Variants in DSE observed in about 807,000 individuals in gnomAD.
DSE encodes the protein dermatan-sulfate epimerase.
A neutral mutation model predicts 84.4 loss-of-function variants in DSE; 36 were observed. The ratio of observed to expected loss-of-function variants is 0.43; its 90% CI spans 0.33 to 0.56. The LOEUF (loss-of-function observed/expected upper bound fraction) is 0.56. Among genes scored for constraint, DSE ranks in the 20% least tolerant of loss-of-function variants. The pLI is 0.06. For missense variants in DSE, 862 were observed against 1,169.6 expected (o/e 0.74, Z 3.84); for synonymous variants, 410 against 430.1 (o/e 0.95, Z 0.58).
At chr6:116,388,275 A>G (rs1780686788) in intron 1 of DSE, among the ~76,000 whole-genome samples, 1 of 152,162 alleles carries the variant, frequency 6.6e-6, no homozygotes, top group Non-Finnish European at 1.5e-5. Context: ...CAGGCAAAGG[A>G]CAGGAGAAGA....
intron 2 of DSE, among the ~76,000 whole-genome samples, chr6:116,426,105 C>T (rs1783433290): frequency 1.3e-5 from 2 of 152,144 alleles, no homozygotes; most frequent in African/African-American, 4.8e-5. Flanking sequence ...ACAGTACCTT[C>T]GCATTGACCA....
At chr6:116,287,436 C>G (rs1447077493) in intron 2 of DSE, among the ~76,000 whole-genome samples, 5 of 151,750 alleles carry the variant, frequency 3.3e-5, no homozygotes, top group Non-Finnish European at 7.4e-5. Context: ...TATAAGAATG[C>G]ATCATGTCAT....
intron 2 of DSE, chr6:116,278,535 A>G: frequency 3.7e-6 from 6 of 1,614,144 alleles, no homozygotes; most frequent in Non-Finnish European, 5.1e-6. Flanking sequence ...ACTGGAACCC[A>G]AAGGGCCTGG....
upstream of DSE, chr6:116,366,298 C>A (rs1403016457): frequency 6.6e-6 from 1 of 152,142 alleles, no homozygotes. Context: ...AATTATCCAC[C>A]ATGGTATCTA....
At chr6:116,285,885 T>C (rs1773872216) in intron 2 of DSE, among the ~76,000 whole-genome samples, 1 of 152,230 alleles carries the variant, frequency 6.6e-6, no homozygotes, top group South Asian at 2.1e-4. Context: ...TCTATATCTC[T>C]GTTTTGGTAC....
At chr6:116,423,882 C>A (rs1783255142) in intron 2 of DSE, among the ~76,000 whole-genome samples, 1 of 152,104 alleles carries the variant, frequency 6.6e-6, no homozygotes. Context: ...AAACTTTTTT[C>A]TTTTGGGGCG....
intron 2 of DSE, among the ~76,000 whole-genome samples, chr6:116,346,796 A>T (rs4946161): frequency 2.3e-4 from 35 of 152,024 alleles, no homozygotes; most frequent in Admixed American, 2.0e-3. Context: ...AAAGAAATAA[A>T]GGGTATTGGA....
At chr6:116,318,299 G>A (rs879839597) in intron 2 of DSE, among the ~76,000 whole-genome samples, 1 of 152,176 alleles carries the variant, frequency 6.6e-6, no homozygotes, top group Non-Finnish European at 1.5e-5. Flanking sequence ...AAGGTCAAGA[G>A]ATCGAGACCA....
chr6:116,409,861 G>A (rs569917272), intron 2 of DSE, among the ~76,000 whole-genome samples: 6 of 152,292 alleles, frequency 3.9e-5, no homozygotes, highest in Admixed American at 6.5e-5. Flanking sequence ...AACCAGCCAC[G>A]TGAAGGGGAA....
intron 2 of DSE, among the ~76,000 whole-genome samples, chr6:116,408,592 A>G (rs1244399379): frequency 6.6e-6 from 1 of 152,176 alleles, no homozygotes; most frequent in Non-Finnish European, 1.5e-5. Flanking sequence ...ATCTGGTCTC[A>G]CTTTCACTCT....
chr6:116,279,674 C>G, intron 2 of DSE: 1 of 1,608,804 alleles, frequency 6.2e-7, no homozygotes. Flanking sequence ...GTCTCCGAGC[C>G]TCCCTCACCC....
At chr6:116,312,722 A>G (rs1775762462) in intron 2 of DSE, among the ~76,000 whole-genome samples, 1 of 152,176 alleles carries the variant, frequency 6.6e-6, no homozygotes, top group Non-Finnish European at 1.5e-5. Flanking sequence ...GACAGATAAT[A>G]TAAGTGAAAC....
intron 2 of DSE, among the ~76,000 whole-genome samples, chr6:116,358,496 A>G (rs759740626): frequency 2.6e-5 from 4 of 152,226 alleles, no homozygotes; most frequent in Non-Finnish European, 5.9e-5. Context: ...TCTTGGAAGT[A>G]TCCTTCCCAG....
chr6:116,265,427 G>T (rs1364214063), intron 2 of DSE, among the ~76,000 whole-genome samples: 1 of 152,146 alleles, frequency 6.6e-6, no homozygotes, highest in Non-Finnish European at 1.5e-5. Context: ...TCAGCAGGGG[G>T]AGTGGAGTAG....
chr6:116,307,775 A>G (rs1207055864), intron 2 of DSE, among the ~76,000 whole-genome samples: 2 of 152,238 alleles, frequency 1.3e-5, no homozygotes, highest in East Asian at 3.9e-4. Context: ...CTGCACAAGG[A>G]AAGAAGTGTG....
At chr6:116,259,172 G>T (rs995081923) in intron 2 of DSE, 15 of 803,282 alleles carry the variant, frequency 1.9e-5, no homozygotes, top group Non-Finnish European at 2.3e-5. Context: ...CGCCACCCTG[G>T]CACAGACAGG....
chr6:116,309,193 A>G (rs1411978396), intron 2 of DSE, among the ~76,000 whole-genome samples: 2 of 152,178 alleles, frequency 1.3e-5, no homozygotes, highest in Non-Finnish European at 2.9e-5. Context: ...ATAGCACTCA[A>G]TGTGCTCATT....
chr6:116,370,389 GT>G, upstream of DSE: 1 of 746,054 alleles, frequency 1.3e-6, no homozygotes, highest in Non-Finnish European at 1.6e-6. Flanking sequence ...CCGCCCCAAA[GT>G]CCCCCCTCCC....
intron 1 of DSE, among the ~76,000 whole-genome samples, chr6:116,388,545 A>G (rs6568936): frequency 0.017 from 2,566 of 152,330 alleles, 78 homozygotes; most frequent in African/African-American, 0.059. Context: ...AATTGGTGAT[A>G]CAGAATTAAA....
Sources: gnomAD v4.1 joint callset for allele counts (sites outside exome capture counted in the v4.1 genomes callset) on GRCh38, gnomAD v4.1.1 for gene constraint, MANE v1.5 for transcripts, NCBI Gene and HGNC (gene_info 2026-07-23, HGNC 2026-07-21) for gene names.